The following SMAP1 variants were observed in gnomAD, a reference collection of about 807,000 sequenced individuals.
SMAP1 encodes the protein small ArfGAP 1.
SMAP1 carries 24 observed loss-of-function variants against 58.5 expected under a neutral mutation model. That is an observed-to-expected ratio of 0.41 (90% CI 0.30 to 0.58). The LOEUF (loss-of-function observed/expected upper bound fraction) is 0.58, where lower values mean the gene tolerates loss of function less well. Ranked by LOEUF, SMAP1 falls within the 20% of genes least tolerant of loss-of-function variation. SMAP1 has a pLI of 0.29. For synonymous variants in SMAP1, 216 were observed against 196.6 expected (o/e 1.10, Z -0.82); for missense variants, 563 against 566.3 (o/e 0.99, Z 0.06).
In SMAP1 at chr6:70,767,522, G is replaced by T. The variant is rs560951957; in HGVS notation, c.339-5828G>T. 1.6e-4 allele frequency among the ~76,000 whole-genome samples: 25 copies of T among 152,214 alleles called. 1 individual carries two copies. Among genetic ancestry groups the T allele is most frequent in the Admixed American group, 1.4e-3 (21 of 15,284 alleles). On this transcript the variant is annotated intron_variant, in intron 3 of 10. Coordinates refer to ENST00000370455, the MANE Select transcript of SMAP1 (RefSeq NM_001044305.3). ...TTATCTTTGAAGCAATTGTGCATGG[G>T]AGTTCACTCATGATTTGGCTCTCTG... is the stretch of plus-strand genomic sequence containing the variant.
At chr6:70,802,914 T>G (rs1285889185) in intron 6 of SMAP1, among the ~76,000 whole-genome samples, 1 of 152,222 alleles carries the variant, frequency 6.6e-6, no homozygotes, top group East Asian at 1.9e-4. Flanking sequence ...TTGCCAGTAT[T>G]TTATTGAGGA....
At chr6:70,733,122 C>T (rs190940601) in intron 2 of SMAP1, among the ~76,000 whole-genome samples, 5 of 152,318 alleles carry the variant, frequency 3.3e-5, no homozygotes, top group Admixed American at 2.6e-4. Flanking sequence ...AGTACTTCTA[C>T]TGGTCTTATT....
At chr6:70,810,505 T>C (rs1769340773) in intron 6 of SMAP1, among the ~76,000 whole-genome samples, 1 of 152,230 alleles carries the variant, frequency 6.6e-6, no homozygotes, top group Admixed American at 6.5e-5. Flanking sequence ...CCACATGGGA[T>C]CATATTATAC....
At chr6:70,699,657 T>G (rs1470583979) in intron 1 of SMAP1, among the ~76,000 whole-genome samples, 1 of 152,056 alleles carries the variant, frequency 6.6e-6, no homozygotes, top group Admixed American at 6.5e-5. Context: ...CTTCAAGTGG[T>G]AGTCTTTCCT....
intron 6 of SMAP1, among the ~76,000 whole-genome samples, chr6:70,833,699 G>A (rs1770454297): frequency 6.6e-6 from 1 of 152,192 alleles, no homozygotes; most frequent in Non-Finnish European, 1.5e-5. Flanking sequence ...GCTCACATGT[G>A]TGTGCAAATG....
At chr6:70,707,746 C>T (rs943859596) in intron 1 of SMAP1, among the ~76,000 whole-genome samples, 1 of 152,176 alleles carries the variant, frequency 6.6e-6, no homozygotes, top group African/African-American at 2.4e-5. Context: ...GCTGGGACTA[C>T]AGGCGCATGC....
At position 70,805,594 on chromosome 6, in the gene SMAP1, T is replaced by G. The variant is rs192931535; in HGVS notation, c.576+6857T>G. On this transcript the variant is annotated intron_variant, in intron 6 of 10. Coordinates refer to ENST00000370455, the MANE Select transcript of SMAP1 (RefSeq NM_001044305.3). ...GAAGAGAAGAGGGGCTCTGGTTTTA[T>G]AATTTTCAGCTTTTCTGCTCTGGTT... Among the ~76,000 whole-genome samples, 421 of 152,302 alleles carry G rather than the reference T, an allele frequency of 2.8e-3. 3 individuals carry two copies. Among genetic ancestry groups the G allele is most frequent in the Admixed American group, 7.7e-3 (118 of 15,294 alleles).
At chr6:70,676,165 A>T (rs1766474465) in intron 1 of SMAP1, among the ~76,000 whole-genome samples, 2 of 152,166 alleles carry the variant, frequency 1.3e-5, no homozygotes, top group African/African-American at 4.8e-5. Flanking sequence ...TCCTTTGCTG[A>T]TTGTGCTTAG....
chr6:70,699,913 C>T (rs1767556319), intron 1 of SMAP1, among the ~76,000 whole-genome samples: 2 of 151,884 alleles, frequency 1.3e-5, no homozygotes, highest in Admixed American at 6.6e-5. Flanking sequence ...TAGCTGGCAA[C>T]CAAACTGTAA....
chr6:70,762,250 G>C (rs1462972548), intron 3 of SMAP1, among the ~76,000 whole-genome samples: 1 of 152,086 alleles, frequency 6.6e-6, no homozygotes, highest in Admixed American at 6.6e-5. Flanking sequence ...CTAGCTGCCT[G>C]TTTTTGTAAA....
chr6:70,705,903 A>C (rs1489638729), intron 1 of SMAP1, among the ~76,000 whole-genome samples: 1 of 152,178 alleles, frequency 6.6e-6, no homozygotes, highest in Non-Finnish European at 1.5e-5. Context: ...TGATAAAGCA[A>C]ACCCAAGTTC....
intron 1 of SMAP1, among the ~76,000 whole-genome samples, chr6:70,726,492 T>C (rs770897730): frequency 6.6e-6 from 1 of 152,238 alleles, no homozygotes; most frequent in Non-Finnish European, 1.5e-5. Context: ...GAAGGCTTTA[T>C]AGAATAAGTC....
chr6:70,712,493 A>C (rs1438709959), intron 1 of SMAP1, among the ~76,000 whole-genome samples: 1 of 152,164 alleles, frequency 6.6e-6, no homozygotes, highest in Non-Finnish European at 1.5e-5. Context: ...TATTTTTTGG[A>C]AAACTTCAAG....
intron 6 of SMAP1, 65 bp downstream of exon 6, chr6:70,798,802 A>G (rs1768722164): frequency 3.3e-6 from 4 of 1,227,326 alleles, no homozygotes; most frequent in South Asian, 3.2e-5. Context: ...TTATATATTA[A>G]TGACTTTCTG....
intron 3 of SMAP1, among the ~76,000 whole-genome samples, chr6:70,760,708 A>G (rs1170924036): frequency 2.0e-5 from 3 of 152,162 alleles, no homozygotes; most frequent in African/African-American, 7.2e-5. Context: ...AGATATAAAT[A>G]TAGTTGTCTC....
At chr6:70,827,949 C>A (rs1214852596) in intron 6 of SMAP1, among the ~76,000 whole-genome samples, 1 of 151,722 alleles carries the variant, frequency 6.6e-6, no homozygotes, top group South Asian at 2.1e-4. Flanking sequence ...TGTAAAAGAT[C>A]TATATTATAA....
At chr6:70,738,015 G>C (rs1309119371) in intron 2 of SMAP1, among the ~76,000 whole-genome samples, 1 of 152,146 alleles carries the variant, frequency 6.6e-6, no homozygotes, top group Non-Finnish European at 1.5e-5. Context: ...AAACTGTCCA[G>C]AAGTGAAATC....
At chr6:70,807,938 A>G (rs1039856865) in intron 6 of SMAP1, among the ~76,000 whole-genome samples, 4 of 151,524 alleles carry the variant, frequency 2.6e-5, no homozygotes, top group African/African-American at 9.7e-5. Context: ...GTCAATACAT[A>G]TTTTGTATGT....
At chr6:70,727,597 G>A (rs1418685400) in intron 1 of SMAP1, among the ~76,000 whole-genome samples, 2 of 152,028 alleles carry the variant, frequency 1.3e-5, no homozygotes, top group Non-Finnish European at 2.9e-5. Context: ...TTAATACTTC[G>A]GTCAAAATAA....
Sources: gnomAD v4.1 joint callset for allele counts (sites outside exome capture counted in the v4.1 genomes callset) on GRCh38, gnomAD v4.1.1 for gene constraint, MANE v1.5 for transcripts, NCBI Gene and HGNC (gene_info 2026-07-23, HGNC 2026-07-21) for gene names.